Variants in RORA observed in about 807,000 individuals in gnomAD.
RORA encodes the protein RAR related orphan receptor A, also known as nuclear receptor ROR-alpha.
RORA carries 7 observed loss-of-function variants against 69.5 expected under a neutral mutation model. The ratio of observed to expected loss-of-function variants is 0.10; its 90% confidence interval spans 0.06 to 0.19. The LOEUF (loss-of-function observed/expected upper bound fraction) is 0.19, where lower values mean the gene tolerates loss of function less well. Among genes scored for constraint, RORA ranks in the 10% least tolerant of loss-of-function variants. The probability of loss-of-function intolerance (pLI) is 1.00; values close to 1 mark genes in which losing one functional copy is unlikely to be tolerated. For missense variants in RORA, 457 were observed against 663.0 expected (o/e 0.69, Z 3.41); for synonymous variants, 261 against 240.8 (o/e 1.08, Z -0.78).
chr15:60,768,970 G>T (rs906913487), intron 1 of RORA, among the ~76,000 whole-genome samples: 1 of 152,174 alleles, frequency 6.6e-6, no homozygotes, highest in South Asian at 2.1e-4. Flanking sequence ...TGCATGTGTG[G>T]TTATTTTTAA....
At chr15:60,613,696 C>CTCTG (rs2069150860) in intron 2 of RORA, among the ~76,000 whole-genome samples, 1 of 125,362 alleles carries the variant, frequency 8.0e-6, no homozygotes, top group Non-Finnish European at 1.6e-5. Context: ...AATTTGATAT[C>CTCTG]TGTGTGTGTG....
At chr15:61,071,928 G>C in intron 1 of RORA, among the ~76,000 whole-genome samples, 1 of 152,078 alleles carries the variant, frequency 6.6e-6, no homozygotes. Context: ...AATGAGTAGA[G>C]ATGGGGTAGA....
In RORA at chr15:61,152,898, T is replaced by A. The variant is rs535404219; in HGVS notation, c.166+76155A>T. On this transcript the variant is annotated intron_variant, in intron 1 of 10. Coordinates refer to ENST00000335670, the MANE Select transcript of RORA (RefSeq NM_134261.3). ...CACTGTGGACAGGCTGCTACTCCTT[T>A]AAATGTAGCTCACTGAAGAGCTACT... Among the ~76,000 whole-genome samples, 342 of 152,316 alleles carry A rather than the reference T, an allele frequency of 2.2e-3. 2 individuals are homozygous for A. Among genetic ancestry groups the A allele is most frequent in the Non-Finnish European group, 4.1e-3 (276 of 68,028 alleles).
chr15:60,753,044 AAAAT>A (rs1329660759), intron 1 of RORA, among the ~76,000 whole-genome samples: 1 of 152,244 alleles, frequency 6.6e-6, no homozygotes, highest in African/African-American at 2.4e-5. Context: ...AAAGTCCAGA[AAAAT>A]AAAGCAGAGG....
intron 1 of RORA, among the ~76,000 whole-genome samples, chr15:60,938,215 A>G (rs1892583818): frequency 6.6e-6 from 1 of 152,226 alleles, no homozygotes; most frequent in Non-Finnish European, 1.5e-5. Context: ...GTGTATTTGT[A>G]TCTGTGGTAT....
chr15:61,107,204 G>A (rs1046069738), intron 1 of RORA, among the ~76,000 whole-genome samples: 1 of 152,136 alleles, frequency 6.6e-6, no homozygotes, highest in Non-Finnish European at 1.5e-5. Context: ...ACACACAGGA[G>A]ACCACCATTA....
chr15:60,895,531 A>G (rs1438029669), intron 1 of RORA, among the ~76,000 whole-genome samples: 1 of 152,196 alleles, frequency 6.6e-6, no homozygotes, highest in African/African-American at 2.4e-5. Flanking sequence ...AAAATCTTAG[A>G]AAATATACTT....
intron 1 of RORA, among the ~76,000 whole-genome samples, chr15:61,225,037 C>T (rs1370580900): frequency 6.6e-6 from 1 of 152,112 alleles, no homozygotes; most frequent in Non-Finnish European, 1.5e-5. Flanking sequence ...TTGAACCACT[C>T]AGGACTTGAA....
intron 2 of RORA, among the ~76,000 whole-genome samples, chr15:60,605,626 T>C (rs1037628097): frequency 6.6e-6 from 1 of 152,182 alleles, no homozygotes; most frequent in Non-Finnish European, 1.5e-5. Flanking sequence ...TATTGGTCTT[T>C]AATAGAGGCA....
intron 1 of RORA, among the ~76,000 whole-genome samples, chr15:60,922,343 T>C (rs931804106): frequency 1.3e-5 from 2 of 152,144 alleles, no homozygotes; most frequent in Admixed American, 1.3e-4. Context: ...ATAATGATGT[T>C]GGTTCATTGA....
intron 2 of RORA, among the ~76,000 whole-genome samples, chr15:60,536,672 A>C (rs750204737): frequency 1.3e-5 from 2 of 152,272 alleles, no homozygotes; most frequent in Non-Finnish European, 2.9e-5. Context: ...GCACAACCAA[A>C]TATTTTCTTG....
intron 1 of RORA, among the ~76,000 whole-genome samples, chr15:60,680,341 G>A (rs2070624769): frequency 6.6e-6 from 1 of 152,158 alleles, no homozygotes; most frequent in South Asian, 2.1e-4. Flanking sequence ...TATTCGCTGA[G>A]TGTGGAACTA....
chr15:61,058,034 TG>T (rs1280235807), intron 1 of RORA, among the ~76,000 whole-genome samples: 5 of 152,180 alleles, frequency 3.3e-5, no homozygotes, highest in Admixed American at 3.3e-4. Flanking sequence ...TGTTTTCTGC[TG>T]CTCAGTCCTC....
At chr15:61,023,632 C>G (rs550584276) in intron 1 of RORA, among the ~76,000 whole-genome samples, 1 of 152,162 alleles carries the variant, frequency 6.6e-6, no homozygotes, top group African/African-American at 2.4e-5. Context: ...CAGTTAGAAA[C>G]CTTTAAGACA....
intron 1 of RORA, among the ~76,000 whole-genome samples, chr15:61,112,468 A>C (rs1294110139): frequency 6.6e-6 from 1 of 152,052 alleles, no homozygotes; most frequent in African/African-American, 2.4e-5. Context: ...CATTTGAGCA[A>C]AGCCTAACAG....
rs148292334 is a variant in RORA, at chr15:61,060,012, A to G, written c.166+169041T>C. On this transcript the variant is annotated intron_variant, in intron 1 of 10. Transcript: ENST00000335670. ...AGGAAGAAGAAGAAGAAGAAGAAGAAGAAGAAGAAGAAGAAGAAGAAGAAG... is the reference window on the plus strand; with the variant it reads ...AGGAAGAAGAAGAAGAAGAAGAAGAGGAAGAAGAAGAAGAAGAAGAAGAAG... Among the ~76,000 whole-genome samples, 163 of 141,244 alleles carry G rather than the reference A, an allele frequency of 1.2e-3. 5 individuals carry two copies. In the East Asian group the frequency reaches 0.033, roughly 29 times the overall value. 92.7% of individuals were successfully genotyped at this position (141,244 alleles called of 152,430 possible). A position where few individuals can be genotyped will look rare whatever the true frequency, so the allele number is the denominator to read the frequency against.
chr15:60,684,445 GTC>G (rs1276419704), intron 1 of RORA, among the ~76,000 whole-genome samples: 3 of 152,078 alleles, frequency 2.0e-5, no homozygotes, highest in African/African-American at 4.8e-5. Context: ...GAAACCCACA[GTC>G]TCTACTAAAA....
intron 1 of RORA, among the ~76,000 whole-genome samples, chr15:60,757,676 G>T (rs2071822619): frequency 6.6e-6 from 1 of 152,138 alleles, no homozygotes; most frequent in Non-Finnish European, 1.5e-5. Flanking sequence ...TGACTCCAGG[G>T]TGTAAAATAG....
chr15:60,847,759 G>A (rs2073282447), intron 1 of RORA: 1 of 152,100 alleles, frequency 6.6e-6, no homozygotes, highest in East Asian at 1.9e-4. Flanking sequence ...GATAGATTGG[G>A]TAAAGATAAA....
Sources: allele counts gnomAD v4.1 joint callset (sites outside exome capture counted in the v4.1 genomes callset), GRCh38; gene constraint gnomAD v4.1.1; transcripts MANE v1.5; gene names NCBI Gene and HGNC (gene_info 2026-07-23, HGNC 2026-07-21).